Variants in DACH2 observed in about 807,000 individuals in gnomAD.
DACH2 encodes dachshund homolog 2.
A neutral mutation model predicts 35.8 loss-of-function variants in DACH2; 17 were observed. The ratio of observed to expected loss-of-function variants is 0.48; its 90% CI spans 0.33 to 0.71. DACH2 has a LOEUF of 0.71. Among genes scored for constraint, DACH2 ranks in the 30% least tolerant of loss-of-function variants. The pLI, the probability that DACH2 is intolerant of heterozygous loss-of-function variation, is 0.02. For synonymous variants in DACH2, 195 were observed against 177.3 expected (o/e 1.10, Z -0.79); for missense variants, 469 against 472.7 (o/e 0.99, Z 0.07).
At chrX:86,249,851 C>T (rs2033363939) in intron 1 of DACH2, among the ~76,000 whole-genome samples, 1 of 111,803 alleles carries the variant, frequency 8.9e-6, no homozygotes, top group Non-Finnish European at 1.9e-5. Flanking sequence ...TACATATACA[C>T]CATGGATTAC....
chrX:86,476,830 G>T (rs1476162882), intron 2 of DACH2, among the ~76,000 whole-genome samples: 2 of 110,795 alleles, frequency 1.8e-5, no homozygotes, highest in Non-Finnish European at 1.9e-5. Flanking sequence ...GTATCCCACA[G>T]GTTTTTGTAT....
chrX:86,827,245 A>G, intron 11 of DACH2, among the ~76,000 whole-genome samples: 1 of 112,211 alleles, frequency 8.9e-6, no homozygotes, highest in Non-Finnish European at 1.9e-5. Flanking sequence ...TCTCATACTG[A>G]GGGAACATTG....
intron 4 of DACH2, among the ~76,000 whole-genome samples, chrX:86,688,041 TA>T (rs71709871): frequency 3.7e-5 from 4 of 109,085 alleles, no homozygotes; most frequent in African/African-American, 6.7e-5. Flanking sequence ...TAAAGTATAA[TA>T]AAAAAAAAGA....
chrX:86,813,845 G>A (rs1054383916), intron 9 of DACH2, among the ~76,000 whole-genome samples: 1 of 110,346 alleles, frequency 9.1e-6, no homozygotes, highest in African/African-American at 3.3e-5. Context: ...AAGGACTCAG[G>A]TTCTTCATCT....
At chrX:86,324,941 T>G (rs1026400534) in intron 1 of DACH2, among the ~76,000 whole-genome samples, 1 of 110,175 alleles carries the variant, frequency 9.1e-6, no homozygotes, top group Admixed American at 9.7e-5. Context: ...GCAAAAGTAT[T>G]AGGACTTGCC....
In DACH2 at chrX:86,378,393, G is replaced by T. The variant is rs989343917; in HGVS notation, c.527+1531G>T. ...TCCCTACTGAGGCAAGGATGGTAAC[G>T]TAAATGAAAGACTATAAGAAATACA... On this transcript the variant is annotated intron_variant, in intron 2 of 11. Coordinates refer to ENST00000373125, the MANE Select transcript of DACH2 (RefSeq NM_053281.3). Among the ~76,000 whole-genome samples, 6 of 110,136 alleles carry T rather than the reference G, an allele frequency of 5.4e-5. No homozygotes were observed. The East Asian group carries it at 8.6e-4, about 16-fold the overall frequency.
chrX:86,360,453 C>G (rs1317123219), intron 1 of DACH2, among the ~76,000 whole-genome samples: 1 of 111,662 alleles, frequency 9.0e-6, no homozygotes, highest in Non-Finnish European at 1.9e-5. Context: ...TCATTAATAT[C>G]TTTTTCTTTT....
At position 86,812,994 on chromosome X, in the gene DACH2, C is replaced by G; in HGVS notation, c.1379C>G (p.Thr460Ser). 1 of 1,196,881 alleles carries G rather than the reference C, an allele frequency of 8.4e-7. No homozygotes were observed. The highest frequency in any genetic ancestry group is 1.1e-6 in the Non-Finnish European group (1 of 887,547). ...DSLSSVETLL[T>S]NIQGLLKVAL... ...CTGTCCTCCGTGGAGACTCTGTTGA[C>G]CAACATTCAGGTCAACAATATTTCT... The change falls in exon 8 of 12, where the codon ACC becomes AGC. Residue 460 changes from threonine (T) to serine (S), a missense_variant. By Grantham distance (58) the Thr-to-Ser change is moderately conservative. Coordinates refer to ENST00000373125, the MANE Select transcript of DACH2 (RefSeq NM_053281.3).
chrX:86,811,192 G>A (rs1256499255), intron 7 of DACH2, among the ~76,000 whole-genome samples: 3 of 111,356 alleles, frequency 2.7e-5, no homozygotes, highest in African/African-American at 9.8e-5. Flanking sequence ...TATTGGTTTG[G>A]AAAAATAAAA....
At chrX:86,476,129 G>C (rs1483421403) in intron 2 of DACH2, among the ~76,000 whole-genome samples, 1 of 111,726 alleles carries the variant, frequency 9.0e-6, no homozygotes, top group Non-Finnish European at 1.9e-5. Context: ...ATATTGGCCT[G>C]TAGTTTTCTT....
chrX:86,467,009 A>T (rs751014583), intron 2 of DACH2, among the ~76,000 whole-genome samples: 1 of 112,117 alleles, frequency 8.9e-6, no homozygotes, highest in East Asian at 2.8e-4. Context: ...CTGACATGCC[A>T]TGGAGACACT....
At chrX:86,627,198 A>C (rs1220717545) in intron 3 of DACH2, among the ~76,000 whole-genome samples, 1 of 111,389 alleles carries the variant, frequency 9.0e-6, no homozygotes, top group African/African-American at 3.3e-5. Flanking sequence ...GATACCCTAA[A>C]TCATCTATTT....
intron 1 of DACH2, among the ~76,000 whole-genome samples, chrX:86,198,304 A>C (rs756202869): frequency 2.7e-5 from 3 of 111,932 alleles, no homozygotes; most frequent in Non-Finnish European, 5.6e-5. Flanking sequence ...CACCCACATC[A>C]AAAAGTTAGA....
chrX:86,161,761 T>A (rs2030765745), intron 1 of DACH2, among the ~76,000 whole-genome samples: 1 of 112,220 alleles, frequency 8.9e-6, no homozygotes, highest in South Asian at 3.7e-4. Context: ...ACATTTGATA[T>A]AGCCACATTC....
intron 1 of DACH2, among the ~76,000 whole-genome samples, chrX:86,240,598 G>C (rs1418595765): frequency 1.8e-5 from 2 of 109,303 alleles, no homozygotes; most frequent in African/African-American, 6.7e-5. Context: ...CTCCCTAGTA[G>C]CTGGGACTAT....
chrX:86,291,409 C>A (rs907712868), intron 1 of DACH2, among the ~76,000 whole-genome samples: 2 of 95,418 alleles, frequency 2.1e-5, no homozygotes, highest in South Asian at 5.8e-4. Context: ...GATTGAATAC[C>A]CTTTATTTCC....
At chrX:86,243,198 T>C (rs368419818) in intron 1 of DACH2, among the ~76,000 whole-genome samples, 2 of 110,744 alleles carry the variant, frequency 1.8e-5, no homozygotes, top group East Asian at 5.7e-4. Flanking sequence ...AATGGGGAGA[T>C]AAGGATCTAA....
intron 1 of DACH2, among the ~76,000 whole-genome samples, chrX:86,286,922 G>A: frequency 9.0e-6 from 1 of 111,665 alleles, no homozygotes; most frequent in Non-Finnish European, 1.9e-5. Flanking sequence ...CAGTTACTGT[G>A]TCGTAATATT....
chrX:86,427,056 C>T (rs1404894134), intron 2 of DACH2, among the ~76,000 whole-genome samples: 1 of 111,517 alleles, frequency 9.0e-6, no homozygotes. Context: ...CTAATGACTC[C>T]ACTTATATCA....
Sources: allele counts gnomAD v4.1 joint callset (sites outside exome capture counted in the v4.1 genomes callset), GRCh38; gene constraint gnomAD v4.1.1; transcripts MANE v1.5; gene names NCBI Gene and HGNC (gene_info 2026-07-23, HGNC 2026-07-21).